Variants in EXOC6B observed in about 807,000 individuals in gnomAD.
The protein encoded by EXOC6B is SEC15 homolog B.
A neutral mutation model predicts 113.5 loss-of-function variants in EXOC6B; 54 were observed. That is an observed-to-expected ratio of 0.48 (90% CI 0.38 to 0.60). EXOC6B has a LOEUF of 0.60. Among genes scored for constraint, EXOC6B ranks in the 20% least tolerant of loss-of-function variants. The pLI is 0.00. For synonymous variants in EXOC6B, 357 were observed against 339.0 expected, an observed-to-expected ratio of 1.05 and a Z score of -0.58; for missense variants, 797 against 977.5, an observed-to-expected ratio of 0.82 and a Z score of 2.46.
chr2:72,813,683 T>C (rs550052154), intron 1 of EXOC6B, among the ~76,000 whole-genome samples: 1 of 152,334 alleles, frequency 6.6e-6, no homozygotes, highest in African/African-American at 2.4e-5. Context: ...AAAATTTTCA[T>C]AGGATAAATT....
chr2:72,227,893 G>A (rs1681343337), intron 20 of EXOC6B, among the ~76,000 whole-genome samples: 1 of 152,126 alleles, frequency 6.6e-6, no homozygotes, highest in African/African-American at 2.4e-5. Context: ...TTATTTTAGT[G>A]TTACACAACT....
chr2:72,435,117 A>G (rs1695771372), intron 18 of EXOC6B, among the ~76,000 whole-genome samples: 1 of 152,070 alleles, frequency 6.6e-6, no homozygotes, highest in Non-Finnish European at 1.5e-5. Flanking sequence ...CTTTGTTCTC[A>G]TTGGTTTCAA....
intron 19 of EXOC6B, among the ~76,000 whole-genome samples, chr2:72,348,907 T>C (rs1214361255): frequency 6.6e-6 from 1 of 152,132 alleles, no homozygotes; most frequent in Non-Finnish European, 1.5e-5. Context: ...GCTACATTTT[T>C]TTAAAAAGTC....
At chr2:72,580,957 C>T (rs1272689290) in intron 6 of EXOC6B, among the ~76,000 whole-genome samples, 2 of 152,212 alleles carry the variant, frequency 1.3e-5, no homozygotes, top group African/African-American at 2.4e-5. Context: ...ACTCTCCCAC[C>T]TTCTCTTTTC....
At chr2:72,477,815 G>T (rs756781304) in intron 17 of EXOC6B, among the ~76,000 whole-genome samples, 1 of 152,110 alleles carries the variant, frequency 6.6e-6, no homozygotes, top group Admixed American at 6.5e-5. Flanking sequence ...CCTTTGACAG[G>T]AATGCATATC....
At chr2:72,472,267 AAC>A (rs1452228064) in intron 17 of EXOC6B, among the ~76,000 whole-genome samples, 2 of 152,024 alleles carry the variant, frequency 1.3e-5, no homozygotes, top group African/African-American at 2.4e-5. Flanking sequence ...AATTTTTTGG[AAC>A]AGTTTCAGGA....
intron 20 of EXOC6B, among the ~76,000 whole-genome samples, chr2:72,265,794 G>C (rs976962987): frequency 1.3e-5 from 2 of 152,110 alleles, no homozygotes; most frequent in African/African-American, 2.4e-5. Context: ...GGGTCAAATG[G>C]TATTTCTAGT....
intron 18 of EXOC6B, among the ~76,000 whole-genome samples, chr2:72,459,902 A>C (rs1303112078): frequency 1.3e-5 from 2 of 152,190 alleles, no homozygotes; most frequent in African/African-American, 4.8e-5. Flanking sequence ...CGCCAAGTCA[A>C]TCCTAAGCCA....
At chr2:72,194,377 A>G (rs1314798081) in intron 20 of EXOC6B, among the ~76,000 whole-genome samples, 1 of 152,150 alleles carries the variant, frequency 6.6e-6, no homozygotes, top group African/African-American at 2.4e-5. Context: ...ATGTGTGAGA[A>G]GGGCTAAGAA....
chr2:72,559,780 A>C (rs1282631655), intron 7 of EXOC6B, among the ~76,000 whole-genome samples: 3 of 152,238 alleles, frequency 2.0e-5, no homozygotes, highest in African/African-American at 7.2e-5. Context: ...AACAGGTGGC[A>C]CCAATCCTGC....
intron 19 of EXOC6B, among the ~76,000 whole-genome samples, chr2:72,360,855 C>T (rs775036767): frequency 3.4e-5 from 5 of 146,640 alleles, no homozygotes; most frequent in Non-Finnish European, 7.4e-5. Context: ...GGCGTGAACC[C>T]GGGAGGCAGA....
chr2:72,412,388 A>G (rs899336241), intron 18 of EXOC6B, among the ~76,000 whole-genome samples: 5 of 152,228 alleles, frequency 3.3e-5, no homozygotes, highest in African/African-American at 1.2e-4. Context: ...TGCTCTAGGT[A>G]ACAACCAGAA....
intron 19 of EXOC6B, among the ~76,000 whole-genome samples, chr2:72,377,792 A>G (rs1691442262): frequency 1.3e-5 from 2 of 152,184 alleles, no homozygotes; most frequent in African/African-American, 4.8e-5. Context: ...TTGTGACTTT[A>G]GTTAATAACA....
intron 20 of EXOC6B, among the ~76,000 whole-genome samples, chr2:72,320,411 A>T (rs1687784569): frequency 6.6e-6 from 1 of 152,124 alleles, no homozygotes; most frequent in Admixed American, 6.5e-5. Flanking sequence ...GAGAATGCAG[A>T]AGGAGACCAA....
Position 72,645,214 on chromosome 2 carries a change from A to G in EXOC6B, c.670-69546T>C, listed in dbSNP as rs143669669. 3.6e-4 allele frequency among the ~76,000 whole-genome samples: 55 copies of G among 152,312 alleles called. No individual in the cohort carries two copies. The East Asian group carries it at 0.01, about 28-fold the overall frequency. ...AAGAAGGCCATTACCTAATGGCAAAAAGATCAATTCAACAAGAAGAACTAA... is the reference window on the plus strand; with the variant it reads ...AAGAAGGCCATTACCTAATGGCAAAGAGATCAATTCAACAAGAAGAACTAA... On this transcript the variant is annotated intron_variant, in intron 6 of 21. Coordinates refer to ENST00000272427, the MANE Select transcript of EXOC6B (RefSeq NM_015189.3).
At chr2:72,264,225 CT>C (rs1683908592) in intron 20 of EXOC6B, among the ~76,000 whole-genome samples, 1 of 152,106 alleles carries the variant, frequency 6.6e-6, no homozygotes, top group Non-Finnish European at 1.5e-5. Context: ...AGAGTCTCTT[CT>C]TTCTATACTC....
At chr2:72,693,016 C>T (rs1677611628) in intron 6 of EXOC6B, among the ~76,000 whole-genome samples, 1 of 152,116 alleles carries the variant, frequency 6.6e-6, no homozygotes, top group South Asian at 2.1e-4. Context: ...AAATAAGTAT[C>T]TTTGTGACTG....
chr2:72,786,659 A>G (rs1038258244), intron 1 of EXOC6B, among the ~76,000 whole-genome samples: 2 of 152,178 alleles, frequency 1.3e-5, no homozygotes, highest in Non-Finnish European at 2.9e-5. Context: ...ACCAGCAAAG[A>G]TCTGATCTGG....
intron 20 of EXOC6B, among the ~76,000 whole-genome samples, chr2:72,199,360 T>A (rs1679356820): frequency 1.3e-5 from 2 of 152,202 alleles, no homozygotes; most frequent in Admixed American, 1.3e-4. Flanking sequence ...TGGCCAAGTC[T>A]AAGAAGCAAA....
Sources: gnomAD v4.1 joint callset for allele counts (sites outside exome capture counted in the v4.1 genomes callset) on GRCh38, gnomAD v4.1.1 for gene constraint, MANE v1.5 for transcripts, NCBI Gene and HGNC (gene_info 2026-07-23, HGNC 2026-07-21) for gene names.